The following CSMD1 variants were observed in gnomAD, a reference collection of about 807,000 sequenced individuals.
The protein encoded by CSMD1 is CUB and sushi domain-containing protein 1.
A neutral mutation model predicts 417.5 loss-of-function variants in CSMD1; 213 were observed. The observed-to-expected ratio is 0.51, with a 90% CI of 0.46 to 0.57. CSMD1 has a LOEUF of 0.57. Ranked by LOEUF, CSMD1 falls within the 20% of genes least tolerant of loss-of-function variation. The pLI, the probability that CSMD1 is intolerant of heterozygous loss-of-function variation, is 0.00. For missense variants in CSMD1, 6,923 were observed against 4,529.7 expected, an observed-to-expected ratio of 1.53 and a Z score of -15.17; for synonymous variants, 2,862 against 1,736.8, an observed-to-expected ratio of 1.65 and a Z score of -16.11.
At chr8:4,721,561 A>C (rs1809051541) in intron 1 of CSMD1, among the ~76,000 whole-genome samples, 1 of 152,196 alleles carries the variant, frequency 6.6e-6, no homozygotes, top group Non-Finnish European at 1.5e-5. Context: ...ATGAAAGATA[A>C]ATGTTGACAA....
chr8:4,556,739 C>T (rs976379543), intron 2 of CSMD1, among the ~76,000 whole-genome samples: 5 of 152,108 alleles, frequency 3.3e-5, no homozygotes, highest in East Asian at 1.9e-4. Context: ...AGATGAGCAT[C>T]GCAAAGTCGA....
At chr8:3,925,399 A>G (rs879345685) in intron 5 of CSMD1, among the ~76,000 whole-genome samples, 5 of 152,248 alleles carry the variant, frequency 3.3e-5, no homozygotes, top group Admixed American at 6.5e-5. Flanking sequence ...ACTTTAAAAT[A>G]TAAAAGCATG....
intron 2 of CSMD1, among the ~76,000 whole-genome samples, chr8:4,605,043 C>T (rs1421111466): frequency 1.3e-5 from 2 of 152,126 alleles, no homozygotes; most frequent in Non-Finnish European, 2.9e-5. Flanking sequence ...CTGTGGCTGG[C>T]CACCAAAGTC....
intron 1 of CSMD1, among the ~76,000 whole-genome samples, chr8:4,890,692 G>C (rs1804058871): frequency 6.6e-6 from 1 of 152,130 alleles, no homozygotes; most frequent in Non-Finnish European, 1.5e-5. Context: ...CCCCTGCTTT[G>C]GTTTTGTTCT....
At chr8:4,335,708 C>G (rs1800125769) in intron 3 of CSMD1, among the ~76,000 whole-genome samples, 1 of 151,982 alleles carries the variant, frequency 6.6e-6, no homozygotes. Flanking sequence ...TAGTGTTTCT[C>G]AAAAATAACA....
chr8:3,369,210 T>A, intron 19 of CSMD1, 44 bp downstream of exon 19: 1 of 940,758 alleles, frequency 1.1e-6, no homozygotes, highest in Non-Finnish European at 1.7e-6. Context: ...TTTTTCTGTC[T>A]CATTTATTAG....
chr8:3,928,656 G>T (rs1341522150), intron 5 of CSMD1, among the ~76,000 whole-genome samples: 1 of 146,000 alleles, frequency 6.8e-6, no homozygotes, highest in Non-Finnish European at 1.5e-5. Flanking sequence ...AATAAAAATG[G>T]TTTAAAGAAG....
intron 10 of CSMD1, among the ~76,000 whole-genome samples, chr8:3,497,051 T>A (rs1796395376): frequency 6.6e-6 from 1 of 152,208 alleles, no homozygotes; most frequent in African/African-American, 2.4e-5. Flanking sequence ...CCTTGTTTTG[T>A]GGGATAACAT....
At chr8:3,705,890 C>A (rs568594592) in intron 7 of CSMD1, among the ~76,000 whole-genome samples, 1 of 152,320 alleles carries the variant, frequency 6.6e-6, no homozygotes, top group African/African-American at 2.4e-5. Context: ...GCACTTCACT[C>A]CCTGCAGACA....
intron 1 of CSMD1, among the ~76,000 whole-genome samples, chr8:4,790,179 A>G (rs1797618811): frequency 6.6e-6 from 1 of 152,190 alleles, no homozygotes; most frequent in Non-Finnish European, 1.5e-5. Flanking sequence ...TAATAAGAAT[A>G]TTGTATCACA....
At chr8:4,012,931 T>C (rs535143117) in intron 4 of CSMD1, among the ~76,000 whole-genome samples, 1 of 152,134 alleles carries the variant, frequency 6.6e-6, no homozygotes. Context: ...TTAAACAGCA[T>C]TCTGAGTCCA....
intron 5 of CSMD1, among the ~76,000 whole-genome samples, chr8:3,863,707 T>G (rs947297179): frequency 6.6e-6 from 1 of 152,150 alleles, no homozygotes; most frequent in Non-Finnish European, 1.5e-5. Flanking sequence ...AAGAATAACA[T>G]ACATGGTCTC....
At chr8:4,909,668 C>T (rs1272819501) in intron 1 of CSMD1, among the ~76,000 whole-genome samples, 5 of 152,090 alleles carry the variant, frequency 3.3e-5, no homozygotes, top group African/African-American at 1.2e-4. Context: ...TAAGACTGCA[C>T]ACCCCCGGAT....
At chr8:4,711,286 G>A (rs1247945557) in intron 1 of CSMD1, among the ~76,000 whole-genome samples, 2 of 152,070 alleles carry the variant, frequency 1.3e-5, no homozygotes, top group African/African-American at 2.4e-5. Flanking sequence ...ACTTGTTTAG[G>A]TCATTTTCTA....
intron 3 of CSMD1, among the ~76,000 whole-genome samples, chr8:4,077,431 T>A (rs537392120): frequency 4.0e-5 from 6 of 151,810 alleles, no homozygotes; most frequent in Non-Finnish European, 8.8e-5. Context: ...TATGCAATAA[T>A]TAATTTGAGT....
chr8:3,826,186 T>C (rs996155592), intron 5 of CSMD1, among the ~76,000 whole-genome samples: 5 of 152,052 alleles, frequency 3.3e-5, no homozygotes, highest in Middle Eastern at 3.4e-3. Flanking sequence ...TTGAAAGCCC[T>C]GTGGAGGCCT....
intron 3 of CSMD1, among the ~76,000 whole-genome samples, chr8:4,289,027 C>G (rs1017379726): frequency 6.6e-6 from 1 of 152,098 alleles, no homozygotes; most frequent in African/African-American, 2.4e-5. Flanking sequence ...TCTGTTCAAG[C>G]AATGACTGTC....
At chr8:3,285,179 G>A (rs1023931209) in intron 25 of CSMD1, among the ~76,000 whole-genome samples, 3 of 151,974 alleles carry the variant, frequency 2.0e-5, no homozygotes, top group African/African-American at 7.3e-5. Context: ...AAGTCACAGT[G>A]GACGACAAAC....
chr8:4,928,469 G>A (rs1399301826), intron 1 of CSMD1, among the ~76,000 whole-genome samples: 3 of 152,186 alleles, frequency 2.0e-5, no homozygotes, highest in Admixed American at 6.5e-5. Flanking sequence ...GGGGCTCAGA[G>A]ATATTTATGA....
Sources: allele counts gnomAD v4.1 joint callset (sites outside exome capture counted in the v4.1 genomes callset), GRCh38; gene constraint gnomAD v4.1.1; transcripts MANE v1.5; gene names NCBI Gene and HGNC (gene_info 2026-07-23, HGNC 2026-07-21).